The following SDK1 variants were observed in gnomAD, a reference collection of about 807,000 sequenced individuals.
The protein encoded by SDK1 is protein sidekick-1.
In SDK1, 157 loss-of-function variants were observed where a neutral mutation model predicts 245.5. The ratio of observed to expected loss-of-function variants is 0.64; its 90% CI spans 0.56 to 0.73. The LOEUF (loss-of-function observed/expected upper bound fraction) is 0.73. Ranked by LOEUF, SDK1 falls within the 30% of genes least tolerant of loss-of-function variation. The probability of loss-of-function intolerance (pLI) is 0.00; values close to 1 mark genes in which losing one functional copy is unlikely to be tolerated. For missense variants in SDK1, 3,583 were observed against 3,002.3 expected, an observed-to-expected ratio of 1.19 and a Z score of -4.52; for synonymous variants, 1,647 against 1,278.5, an observed-to-expected ratio of 1.29 and a Z score of -6.15.
intron 2 of SDK1, among the ~76,000 whole-genome samples, chr7:3,632,946 T>A (rs1477819034): frequency 1.3e-5 from 2 of 152,232 alleles, no homozygotes; most frequent in Non-Finnish European, 2.9e-5. Context: ...TTGGATTTTT[T>A]AAATTTCATG....
chr7:3,699,843 A>G (rs1410172417), intron 4 of SDK1, among the ~76,000 whole-genome samples: 5 of 152,220 alleles, frequency 3.3e-5, no homozygotes, highest in African/African-American at 1.2e-4. Flanking sequence ...AAAACACATA[A>G]CCTTTCAAGA....
intron 4 of SDK1, among the ~76,000 whole-genome samples, chr7:3,761,952 A>G (rs1256113519): frequency 1.3e-5 from 2 of 152,206 alleles, no homozygotes; most frequent in African/African-American, 2.4e-5. Context: ...TTGTTTCCAT[A>G]TGACAAGCCT....
intron 19 of SDK1, among the ~76,000 whole-genome samples, chr7:4,055,366 G>T (rs1779130174): frequency 6.6e-6 from 1 of 152,132 alleles, no homozygotes; most frequent in African/African-American, 2.4e-5. Flanking sequence ...GTTCAGATTT[G>T]TGAGTATGAA....
At position 4,051,731 on chromosome 7, in the gene SDK1, C is replaced by T. The variant is rs746032493; in HGVS notation, c.2812C>T (p.Leu938=). 2.5e-6 allele frequency: 4 copies of T among 1,613,966 alleles called. No individual in the cohort carries two copies. The highest frequency in any genetic ancestry group is 2.5e-6 in the Non-Finnish European group (3 of 1,179,928). Residue 938 remains leucine (L), a synonymous_variant, in exon 19 of 45, where the codon CTG becomes TTG. Transcript: ENST00000404826. ...AGTCCACCATGGACACATAACGAAC[C>T]TGAAGAAGTTTACCGCCTACTTCAC... ...HGVHHGHITN[L]KKFTAYFTSV...
rs567476111 is a variant in SDK1 at position 3,654,628 on chromosome 7, T to C, written c.713+12523T>C. On this transcript the variant is annotated intron_variant, in intron 4 of 44. Transcript: ENST00000404826. Reference sequence around the variant, plus strand: ...CTTTTGGTGATGCTTGTTGGGCACCTGTCTGCAGGTAGATGACACTGTCCC... The same window carrying C: ...CTTTTGGTGATGCTTGTTGGGCACCCGTCTGCAGGTAGATGACACTGTCCC... Among the ~76,000 whole-genome samples, 4 of 152,284 alleles carry C rather than the reference T, an allele frequency of 2.6e-5. No homozygotes were observed. In the East Asian group the frequency reaches 7.7e-4, roughly 29 times the overall value.
chr7:3,962,652 C>A lies in SDK1; in HGVS notation c.1235-5C>A, dbSNP rs750487323. Reference sequence around the variant, plus strand: ...AAAATCCTATTTATTCCCATTCCTACGCAGGGGTCCCCCTTCCCACCCTCC... The same window carrying A: ...AAAATCCTATTTATTCCCATTCCTAAGCAGGGGTCCCCCTTCCCACCCTCC... On this transcript the variant is annotated splice_polypyrimidine_tract_variant and splice_region_variant and intron_variant, in intron 8 of 44. Coordinates refer to ENST00000404826, the MANE Select transcript of SDK1 (RefSeq NM_152744.4). 1 of 1,599,148 alleles carries A rather than the reference C, an allele frequency of 6.3e-7. No homozygotes were observed. Among genetic ancestry groups the A allele is most frequent in the Non-Finnish European group, 8.5e-7 (1 of 1,171,584 alleles).
intron 4 of SDK1, among the ~76,000 whole-genome samples, chr7:3,778,126 C>A (rs1272075879): frequency 3.9e-5 from 6 of 152,172 alleles, no homozygotes; most frequent in Non-Finnish European, 8.8e-5. Context: ...CCCATGCCGT[C>A]GTGTCTCCCA....
At chr7:3,526,988 G>A (rs1211916989) in intron 1 of SDK1, among the ~76,000 whole-genome samples, 1 of 152,072 alleles carries the variant, frequency 6.6e-6, no homozygotes, top group Non-Finnish European at 1.5e-5. Context: ...TCTACCTTCA[G>A]CTTCAGTGTG....
intron 2 of SDK1, among the ~76,000 whole-genome samples, chr7:3,621,206 A>G (rs1781927660): frequency 6.6e-6 from 1 of 152,212 alleles, no homozygotes; most frequent in African/African-American, 2.4e-5. Context: ...GGTGTAAGAA[A>G]GCAGAAACAG....
chr7:3,381,504 G>A (rs1562452558), intron 1 of SDK1, among the ~76,000 whole-genome samples: 1 of 152,250 alleles, frequency 6.6e-6, no homozygotes, highest in East Asian at 1.9e-4. Context: ...GCGGGGAAGG[G>A]GGAGTGACCT....
intron 38 of SDK1, among the ~76,000 whole-genome samples, chr7:4,210,782 C>G (rs528808820): frequency 1.3e-5 from 2 of 152,370 alleles, no homozygotes; most frequent in Admixed American, 1.3e-4. Context: ...TTCCTGCGTC[C>G]AGGCAGTTCC....
intron 4 of SDK1, among the ~76,000 whole-genome samples, chr7:3,721,999 A>G (rs1443226488): frequency 6.6e-6 from 1 of 152,140 alleles, no homozygotes; most frequent in African/African-American, 2.4e-5. Flanking sequence ...AGGCAGTGGC[A>G]ACGATCATGC....
intron 5 of SDK1, among the ~76,000 whole-genome samples, chr7:3,883,418 C>T (rs1188618488): frequency 6.6e-5 from 10 of 152,120 alleles, no homozygotes; most frequent in African/African-American, 2.4e-4. Flanking sequence ...GCCTGTCTGC[C>T]GCACATGAAT....
intron 1 of SDK1, among the ~76,000 whole-genome samples, chr7:3,505,502 A>G (rs1435411647): frequency 6.6e-6 from 1 of 152,126 alleles, no homozygotes; most frequent in African/African-American, 2.4e-5. Flanking sequence ...CCTCCCACCT[A>G]GGCCTCCCAT....
intron 5 of SDK1, among the ~76,000 whole-genome samples, chr7:3,895,523 G>A (rs1398770457): frequency 6.6e-6 from 1 of 152,204 alleles, no homozygotes; most frequent in Non-Finnish European, 1.5e-5. Context: ...ATGTAAAGCT[G>A]GAGACAGTGT....
At chr7:4,037,482 G>A (rs1460358092) in intron 17 of SDK1, among the ~76,000 whole-genome samples, 1 of 152,120 alleles carries the variant, frequency 6.6e-6, no homozygotes, top group East Asian at 1.9e-4. Flanking sequence ...AGCTGATTGT[G>A]ATGACTCATC....
chr7:4,234,901 G>A (rs1035068631), intron 41 of SDK1, among the ~76,000 whole-genome samples: 10 of 152,208 alleles, frequency 6.6e-5, no homozygotes, highest in African/African-American at 2.4e-4. Flanking sequence ...GAAGCCCCAG[G>A]TAGGGCCAGC....
chr7:4,193,136 ATATTAATATAT>A lies in SDK1; in HGVS notation c.5099-12741_5099-12731del, dbSNP rs1031622576. ...ATTAAAATATATATAATATATAAAT[ATATTAATATAT>A]TTATATAATATATATTAAAATATTT... is the stretch of plus-strand genomic sequence containing the variant. On this transcript the variant is annotated intron_variant, in intron 35 of 44. Coordinates refer to ENST00000404826, the MANE Select transcript of SDK1 (RefSeq NM_152744.4). Among the ~76,000 whole-genome samples the A allele has an allele frequency of 7.4e-3, 996 of 133,822 alleles. 14 individuals carry two copies. The highest frequency in any genetic ancestry group is 0.027 in the African/African-American group (946 of 35,278). The allele number at this position is 133,822 out of a possible 152,430, so 87.8% of individuals were successfully genotyped here. A position where few individuals can be genotyped will look rare whatever the true frequency, so the allele number is the denominator to read the frequency against.
chr7:3,594,751 A>G (rs192767950), intron 1 of SDK1, among the ~76,000 whole-genome samples: 5 of 152,328 alleles, frequency 3.3e-5, no homozygotes, highest in Middle Eastern at 3.4e-3. Context: ...TATTGATTGT[A>G]AGAAAAATTG....
Sources: allele counts gnomAD v4.1 joint callset (sites outside exome capture counted in the v4.1 genomes callset), GRCh38; gene constraint gnomAD v4.1.1; transcripts MANE v1.5; gene names NCBI Gene and HGNC (gene_info 2026-07-23, HGNC 2026-07-21).